Variants in TNS4 observed in about 807,000 individuals in gnomAD.
TNS4 encodes tensin 4.
In TNS4, 46 loss-of-function variants were observed where a neutral mutation model predicts 70.4. The observed-to-expected ratio is 0.65, with a 90% CI of 0.52 to 0.84. TNS4 has a LOEUF of 0.84. Among genes scored for constraint, TNS4 ranks in the 40% least tolerant of loss-of-function variants. TNS4 has a pLI of 0.00. For missense variants in TNS4, 863 were observed against 907.0 expected, an observed-to-expected ratio of 0.95 and a Z score of 0.62; for synonymous variants, 390 against 366.6, an observed-to-expected ratio of 1.06 and a Z score of -0.73.
intron 1 of TNS4, among the ~76,000 whole-genome samples, chr17:40,500,920 A>G (rs1280789784): frequency 6.6e-6 from 1 of 151,858 alleles, no homozygotes; most frequent in East Asian, 1.9e-4. Context: ...GGGCTCCCAG[A>G]GCGCTGGGAG....
intron 9 of TNS4, 109 bp from the exon 10 acceptor site, chr17:40,479,951 T>C: frequency 1.5e-6 from 2 of 1,356,874 alleles, no homozygotes; most frequent in Non-Finnish European, 2.0e-6. Flanking sequence ...CCAGTGGAGC[T>C]CCTCTTAGAG....
chr17:40,477,884 T>TG (rs2035869378), intron 12 of TNS4, 155 bp from the exon 13 acceptor site: 5 of 678,510 alleles, frequency 7.4e-6, no homozygotes, highest in Non-Finnish European at 1.2e-5. Flanking sequence ...TGGGGCTCCC[T>TG]GGGGAAGGAG....
At chr17:40,491,822 C>G (rs774742056) in intron 2 of TNS4, among the ~76,000 whole-genome samples, 1 of 151,758 alleles carries the variant, frequency 6.6e-6, no homozygotes, top group African/African-American at 2.4e-5. Flanking sequence ...CCCAGGCAGG[C>G]GGGTGAGTGG....
chr17:40,491,774 G>T (rs531450192), intron 2 of TNS4, among the ~76,000 whole-genome samples: 1 of 152,306 alleles, frequency 6.6e-6, no homozygotes, highest in Non-Finnish European at 1.5e-5. Flanking sequence ...GGCCTGTGGG[G>T]CAAGTCTGAG....
intron 1 of TNS4, among the ~76,000 whole-genome samples, chr17:40,498,748 T>A (rs2036175641): frequency 6.6e-6 from 1 of 152,136 alleles, no homozygotes; most frequent in Non-Finnish European, 1.5e-5. Flanking sequence ...AGGGTCTCAC[T>A]TTGTTGCCCA....
rs371269577 is a variant in TNS4 at position 40,485,011 on chromosome 17, G to A, written c.1289-4C>T. 7.7e-5 allele frequency: 125 copies of A among 1,613,988 alleles called. No homozygotes were observed. In the African/African-American group the frequency reaches 1.5e-3, roughly 19 times the overall value. ...GGCTGCATGTCCCTGGCGGGACCTGGAGACAGACAGAGAAGGGGGACCCTG... is the reference window on the plus strand; with the variant it reads ...GGCTGCATGTCCCTGGCGGGACCTGAAGACAGACAGAGAAGGGGGACCCTG... On this transcript the variant is annotated splice_region_variant and splice_polypyrimidine_tract_variant and intron_variant, in intron 4 of 12. Coordinates refer to ENST00000254051, the MANE Select transcript of TNS4 (RefSeq NM_032865.6).
intron 1 of TNS4, among the ~76,000 whole-genome samples, chr17:40,500,666 A>G (rs552911304): frequency 2.9e-4 from 44 of 152,138 alleles, no homozygotes; most frequent in African/African-American, 5.3e-4. Flanking sequence ...CTCTCTCCCA[A>G]TGAGCCCAGG....
At chr17:40,478,751 C>A (rs758201544) in intron 10 of TNS4, 103 bp from the exon 11 acceptor site, 1 of 1,340,338 alleles carries the variant, frequency 7.5e-7, no homozygotes, top group Non-Finnish European at 1.1e-6. Flanking sequence ...CCCTGTCCTC[C>A]AAGAAGTCTC....
chr17:40,481,009 T>G, intron 8 of TNS4: 1 of 501,918 alleles, frequency 2.0e-6, no homozygotes, highest in East Asian at 3.9e-5. Context: ...CCCCACCTCT[T>G]AGATGGCTGC....
In TNS4 at chr17:40,476,480, C is replaced by T. The variant is rs1281082369; in HGVS notation, c.*1108G>A. 6.6e-6 allele frequency: 1 copy of T among 150,540 alleles called. No individual in the cohort carries two copies. The highest frequency in any genetic ancestry group is 1.5e-5 in the Non-Finnish European group (1 of 68,438). The allele number at this position is 150,540 out of a possible 1,614,324, so 9.3% of individuals were successfully genotyped here. A position where few individuals can be genotyped will look rare whatever the true frequency, so the allele number is the denominator to read the frequency against. ...AGCAAGACAGGAGCTGAGGCAGAATCACAGAGAGATGGCCCTTATCTCTGC... is the reference window on the plus strand; with the variant it reads ...AGCAAGACAGGAGCTGAGGCAGAATTACAGAGAGATGGCCCTTATCTCTGC... On this transcript the variant is annotated 3_prime_UTR_variant, in exon 13 of 13. Transcript: ENST00000254051.
At chr17:40,497,727 G>C (rs541893971) in intron 1 of TNS4, among the ~76,000 whole-genome samples, 8 of 152,256 alleles carry the variant, frequency 5.3e-5, no homozygotes, top group African/African-American at 1.9e-4. Flanking sequence ...GGGGTGGGTG[G>C]AGGAGATGGG....
intron 1 of TNS4, 39 bp from the exon 2 acceptor site, chr17:40,496,559 A>G (rs1037490442): frequency 6.6e-6 from 6 of 913,272 alleles, no homozygotes; most frequent in Middle Eastern, 3.4e-4. Flanking sequence ...TAATTTCTGT[A>G]GGTGAAGCCC....
intron 4 of TNS4, among the ~76,000 whole-genome samples, chr17:40,485,503 C>T (rs569750481): frequency 2.6e-5 from 4 of 152,196 alleles, no homozygotes; most frequent in African/African-American, 9.6e-5. Context: ...CCCTGGGAGG[C>T]GGGAGCCTGG....
chr17:40,485,731 G>T (rs2035981935), intron 4 of TNS4, among the ~76,000 whole-genome samples: 1 of 152,172 alleles, frequency 6.6e-6, no homozygotes, highest in Non-Finnish European at 1.5e-5. Flanking sequence ...GTGCGCTTTG[G>T]GATGCCAAAA....
rs2036001408 is a variant in TNS4 at position 40,487,224 on chromosome 17, T to C, written c.1100A>G (p.Asn367Ser). Residue 367 changes from asparagine to serine, a missense_variant, in exon 4 of 13, where the codon AAC becomes AGC. By Grantham distance (46) the Asn-to-Ser change is conservative. Coordinates refer to ENST00000254051, the MANE Select transcript of TNS4 (RefSeq NM_032865.6). ...CACAATGGGTATGTCCACCATGGAG[T>C]TGGTGATGGATGGGGGGCAGCTGCT... ...HASSCPPSIT[N>S]SMVDIPIVLI... 1.2e-6 allele frequency: 2 copies of C among 1,613,518 alleles called. No homozygotes were observed. Among genetic ancestry groups the C allele is most frequent in the Non-Finnish European group, 1.7e-6 (2 of 1,179,828 alleles).
chr17:40,488,330 T>C (rs1221680549), intron 3 of TNS4, among the ~76,000 whole-genome samples: 2 of 152,156 alleles, frequency 1.3e-5, no homozygotes, highest in African/African-American at 4.8e-5. Flanking sequence ...TACCAAAAGG[T>C]AGCTATAAGT....
intron 2 of TNS4, among the ~76,000 whole-genome samples, chr17:40,492,610 T>G (rs573111313): frequency 0.015 from 2,067 of 141,618 alleles, 20 homozygotes; most frequent in Non-Finnish European, 0.021. Flanking sequence ...TTTTTTTTTT[T>G]TTTGTTTTAA....
Position 40,488,677 on chromosome 17 carries a change from A to G in TNS4, c.732T>C (p.His244=). ...AAGCCACCAGCGGGGAGCCCAAACC[A>G]TGGGGGCTCGAGGCCTTGCTCCCCA... is the stretch of plus-strand genomic sequence containing the variant. ...PCMGSKASSP[H]GLGSPLVASP... is the part of the protein sequence containing the mutation. The change falls in exon 3 of 13, where the codon CAT becomes CAC. Residue 244 remains histidine (H), a synonymous_variant. Transcript: ENST00000254051. The G allele has an allele frequency of 6.4e-7, 1 of 1,572,836 alleles. No individual in the cohort carries two copies. Among genetic ancestry groups the G allele is most frequent in the Non-Finnish European group, 8.6e-7 (1 of 1,159,176 alleles).
intron 11 of TNS4, 72 bp from the exon 12 acceptor site, chr17:40,478,405 G>T: frequency 6.3e-7 from 1 of 1,587,176 alleles, no homozygotes; most frequent in African/African-American, 1.4e-5. Context: ...GGAGCAGCAG[G>T]ACTGGCCAGC....
Sources: allele counts gnomAD v4.1 joint callset (sites outside exome capture counted in the v4.1 genomes callset), GRCh38; gene constraint gnomAD v4.1.1; transcripts MANE v1.5; gene names NCBI Gene and HGNC (gene_info 2026-07-23, HGNC 2026-07-21).